Variants in PRR5 observed in about 807,000 individuals in gnomAD.
PRR5 encodes proline-rich protein 5.
Under a neutral mutation model 30.6 loss-of-function variants are expected in PRR5, and 25 were observed. The observed-to-expected ratio is 0.82, with a 90% CI of 0.60 to 1.14. The LOEUF is 1.14. PRR5 is among the 50% of genes most tolerant of loss of function. PRR5 has a pLI of 0.00. For synonymous variants in PRR5, 286 were observed against 247.1 expected, an observed-to-expected ratio of 1.16 and a Z score of -1.48; for missense variants, 600 against 547.1, an observed-to-expected ratio of 1.10 and a Z score of -0.96.
At chr22:44,693,374 G>T (rs541496799) in intron 1 of PRR5, among the ~76,000 whole-genome samples, 100 of 151,950 alleles carry the variant, frequency 6.6e-4, no homozygotes, top group South Asian at 4.2e-3. Context: ...TGGGAGGATC[G>T]CCTGAGCCCA....
intron 1 of PRR5, among the ~76,000 whole-genome samples, chr22:44,688,723 C>T (rs1239749488): frequency 6.6e-6 from 1 of 152,142 alleles, no homozygotes; most frequent in Non-Finnish European, 1.5e-5. Context: ...CAGTGTGGCT[C>T]ACGCCTGTAA....
In PRR5 at chr22:44,731,856, G is replaced by A. The variant is rs1468216724; in HGVS notation, c.414+35G>A. 3.8e-6 allele frequency: 6 copies of A among 1,597,416 alleles called. No individual in the cohort carries two copies. The African/African-American group carries it at 6.7e-5, about 18-fold the overall frequency. On this transcript the variant is annotated intron_variant, in intron 5 of 7. Transcript: ENST00000336985. ...CCAGCCCTGGGGAGGGAAGCCCAGTGCCCCTGCTGTGCCCACCCTGGCCTC... is the reference window on the plus strand; with the variant it reads ...CCAGCCCTGGGGAGGGAAGCCCAGTACCCCTGCTGTGCCCACCCTGGCCTC...
chr22:44,714,767 C>A, intron 2 of PRR5, 96 bp downstream of exon 2: 1 of 1,481,634 alleles, frequency 6.7e-7, no homozygotes, highest in Non-Finnish European at 9.2e-7. Flanking sequence ...ACCCGCCAGC[C>A]ACGCCTGTGC....
At chr22:44,724,163 T>C (rs1470370056) in intron 2 of PRR5, among the ~76,000 whole-genome samples, 4 of 152,190 alleles carry the variant, frequency 2.6e-5, no homozygotes, top group African/African-American at 4.8e-5. Flanking sequence ...AGGCCGGGTG[T>C]GGTGGCTCAT....
chr22:44,675,092 C>CA (rs1206507321), upstream of PRR5, among the ~76,000 whole-genome samples: 5 of 136,536 alleles, frequency 3.7e-5, no homozygotes, highest in East Asian at 2.3e-4. Flanking sequence ...ACTAAAAATA[C>CA]AAAAAAAATT....
chr22:44,703,954 C>T (rs768912760), intron 1 of PRR5, among the ~76,000 whole-genome samples: 14 of 152,138 alleles, frequency 9.2e-5, no homozygotes, highest in East Asian at 1.9e-4. Flanking sequence ...GAATCTCTGC[C>T]GTGATTTAGA....
chr22:44,702,238 C>G lies in PRR5; in HGVS notation c.-237C>G, dbSNP rs1239071826. The G allele has an allele frequency of 1.8e-6, 2 of 1,122,250 alleles. No individual in the cohort carries two copies. The highest frequency in any genetic ancestry group is 5.0e-5 in the Admixed American group (1 of 20,188). 69.5% of individuals were successfully genotyped at this position (1,122,250 alleles called of 1,614,324 possible). ...TTGCGCCGGGTCTGTGCTGGCCGCG[C>G]GCCTGGCGCTCCACGCTGAGCCTCT... On this transcript the variant is annotated 5_prime_UTR_variant, in exon 1 of 8. Coordinates refer to ENST00000336985, the MANE Select transcript of PRR5 (RefSeq NM_181333.4).
intron 6 of PRR5, 103 bp downstream of exon 6, chr22:44,732,494 CT>C (rs1294969620): frequency 6.3e-5 from 92 of 1,468,464 alleles, no homozygotes; most frequent in Non-Finnish European, 8.0e-5. Context: ...GGGCACGAGA[CT>C]TAAGGAAGGG....
chr22:44,729,014 C>T (rs1288620402), intron 4 of PRR5, among the ~76,000 whole-genome samples: 4 of 152,172 alleles, frequency 2.6e-5, no homozygotes, highest in Non-Finnish European at 5.9e-5. Flanking sequence ...GAATCGGCTC[C>T]AGCTGCAGCC....
chr22:44,726,528 C>A, intron 3 of PRR5, 49 bp from the exon 4 acceptor site: 1 of 1,613,050 alleles, frequency 6.2e-7, no homozygotes, highest in Non-Finnish European at 8.5e-7. Flanking sequence ...GCCAGGACAC[C>A]CCCGGGCATC....
upstream of PRR5, among the ~76,000 whole-genome samples, chr22:44,674,580 G>A (rs1481152265): frequency 2.6e-5 from 4 of 152,146 alleles, no homozygotes; most frequent in South Asian, 4.1e-4. Flanking sequence ...AATTAGCCGG[G>A]CGTGGTGGCA....
Position 44,731,352 on chromosome 22 carries a change from T to G in PRR5, c.323-378T>G, listed in dbSNP as rs1452975510. ...GGGTCTCACCTGTGAACGTCTCACC[T>G]GTGCCAGGTGTATACCTGTGTGGCT... On this transcript the variant is annotated intron_variant, in intron 4 of 7. Transcript: ENST00000336985. 5.2e-5 allele frequency: 17 copies of G among 326,034 alleles called. 1 individual carries two copies. Among genetic ancestry groups the G allele is most frequent in the Non-Finnish European group, 1.8e-5 (3 of 169,358 alleles). The allele number at this position is 326,034 out of a possible 1,614,324, so 20.2% of individuals were successfully genotyped here.
intron 2 of PRR5, among the ~76,000 whole-genome samples, chr22:44,720,960 G>C (rs906267067): frequency 3.9e-5 from 6 of 152,158 alleles, no homozygotes; most frequent in African/African-American, 1.4e-4. Flanking sequence ...GTGAGCCAAG[G>C]GGCCATTTGG....
In PRR5 at chr22:44,735,238, C is replaced by T. The variant is rs116986929; in HGVS notation, c.691+76C>T. On this transcript the variant is annotated intron_variant, in intron 7 of 7. Coordinates refer to ENST00000336985, the MANE Select transcript of PRR5 (RefSeq NM_181333.4). The stretch of plus-strand genomic sequence containing the variant: ...ATCCATTGTGAACAAATGGGCAAGC[C>T]GAGGCCCCACGACAGAACCAGGATC... 6.9e-4 allele frequency: 1,006 copies of T among 1,460,594 alleles called. 19 individuals are homozygous for T. In the East Asian group the frequency reaches 0.024, roughly 35 times the overall value. 90.5% of individuals were successfully genotyped at this position (1,460,594 alleles called of 1,614,324 possible).
chr22:44,702,510 G>A lies in PRR5; in HGVS notation c.36G>A (p.Ser12=), dbSNP rs375630451. The change falls in exon 1 of 8, where the codon TCG becomes TCA. Residue 12 remains serine (S), a synonymous_variant. Coordinates refer to ENST00000336985, the MANE Select transcript of PRR5 (RefSeq NM_181333.4). Reference sequence around the variant, plus strand: ...TCCGCAGGTTGAAGTTCATGAGTTCGCCCAGCCTCAGTGACCTGGGCAAGA... The same window carrying A: ...TCCGCAGGTTGAAGTTCATGAGTTCACCCAGCCTCAGTGACCTGGGCAAGA... ...RTLRRLKFMS[S]PSLSDLGKRE... 8.8e-6 allele frequency: 13 copies of A among 1,469,928 alleles called. No homozygotes were observed. The highest frequency in any genetic ancestry group is 2.6e-5 in the South Asian group (2 of 75,918). 91.1% of individuals were successfully genotyped at this position (1,469,928 alleles called of 1,614,324 possible). A position where few individuals can be genotyped will look rare whatever the true frequency, so the allele number is the denominator to read the frequency against.
At chr22:44,731,966 C>T in intron 5 of PRR5, 145 bp downstream of exon 5, 2 of 969,470 alleles carry the variant, frequency 2.1e-6, no homozygotes, top group South Asian at 1.7e-5. Context: ...CTGAGTTGCT[C>T]AGAGCCTGTT....
upstream of PRR5, chr22:44,702,114 CG>C: frequency 8.7e-6 from 2 of 228,878 alleles, no homozygotes; most frequent in Non-Finnish European, 1.5e-5. Flanking sequence ...CCTGAGGCCC[CG>C]CCCCGCCCGC....
At chr22:44,717,872 CG>C (rs1929325693) in intron 2 of PRR5, among the ~76,000 whole-genome samples, 3 of 151,974 alleles carry the variant, frequency 2.0e-5, no homozygotes, top group Non-Finnish European at 2.9e-5. Context: ...TGTGCCACCA[CG>C]ACCGGCTAAT....
At chr22:44,673,769 G>GTGGCTT (rs2146925266), upstream of PRR5, among the ~76,000 whole-genome samples, 1 of 152,298 alleles carries the variant, frequency 6.6e-6, no homozygotes, top group South Asian at 2.1e-4. Context: ...GATCCTGAGC[G>GTGGCTT]TGGCTTTGGC....
Sources: gnomAD v4.1 joint callset for allele counts (sites outside exome capture counted in the v4.1 genomes callset) on GRCh38, gnomAD v4.1.1 for gene constraint, MANE v1.5 for transcripts, NCBI Gene and HGNC (gene_info 2026-07-23, HGNC 2026-07-21) for gene names.